Variants in KDM2B observed in about 807,000 individuals in gnomAD.
The protein encoded by KDM2B is lysine demethylase 2B.
In KDM2B, 26 loss-of-function variants were observed where a neutral mutation model predicts 150.0. The observed-to-expected ratio is 0.17, with a 90% CI of 0.13 to 0.24. KDM2B has a LOEUF of 0.24. Ranked by LOEUF, KDM2B falls within the 10% of genes least tolerant of loss-of-function variation. KDM2B has a pLI of 1.00. For missense variants in KDM2B, 1,265 were observed against 1,816.9 expected, an observed-to-expected ratio of 0.70 and a Z score of 5.52; for synonymous variants, 734 against 729.5, an observed-to-expected ratio of 1.01 and a Z score of -0.10.
At chr12:121,573,838 C>T (rs1230040171) in intron 4 of KDM2B, among the ~76,000 whole-genome samples, 2 of 152,084 alleles carry the variant, frequency 1.3e-5, no homozygotes, top group African/African-American at 4.8e-5. Context: ...CCACCCGCCT[C>T]GGCCTCCCAA....
At chr12:121,578,475 G>C (rs1594171005) in intron 2 of KDM2B, among the ~76,000 whole-genome samples, 2 of 151,884 alleles carry the variant, frequency 1.3e-5, no homozygotes, top group South Asian at 4.1e-4. Context: ...CGACCGGCTC[G>C]GGGAGGGGGA....
In KDM2B at chr12:121,467,294, T is replaced by C. The variant is rs1272661747; in HGVS notation, c.1735-13950A>G. 1.2e-5 allele frequency: 12 copies of C among 983,382 alleles called. No individual in the cohort carries two copies. The African/African-American group carries it at 1.2e-4, about 10-fold the overall frequency. 60.9% of individuals were successfully genotyped at this position (983,382 alleles called of 1,614,324 possible). On this transcript the variant is annotated intron_variant, in intron 12 of 22. Coordinates refer to ENST00000377071, the MANE Select transcript of KDM2B (RefSeq NM_032590.5). The surrounding 1 kb of genome is among the most constrained non-coding windows in gnomAD (Gnocchi z 5.1). ...GCCGCCCGCCCGGAGCAGGCTCGGC[T>C]CGCCCTGGCTCGGGCTCGGGCTCGG... is the stretch of plus-strand genomic sequence containing the variant.
Position 121,533,246 on chromosome 12 carries a change from C to A in KDM2B, c.778-287G>T, listed in dbSNP as rs1212870832. Among the ~76,000 whole-genome samples, 1 of 152,098 alleles carries A rather than the reference C, an allele frequency of 6.6e-6. No individual in the cohort carries two copies. The highest frequency in any genetic ancestry group is 1.9e-4 in the East Asian group (1 of 5,186). Reference sequence around the variant, plus strand: ...TGGGTGGGACATGCTTTCTCCCGAACCACAGGCTTGTCTAGGAGGTGGGGG... The same window carrying A: ...TGGGTGGGACATGCTTTCTCCCGAAACACAGGCTTGTCTAGGAGGTGGGGG... On this transcript the variant is annotated intron_variant, in intron 7 of 22. Transcript: ENST00000377071. The surrounding 1 kb of genome is among the most constrained non-coding windows in gnomAD (Gnocchi z 4.1).
At chr12:121,444,639 C>A in intron 14 of KDM2B, 103 bp from the exon 15 acceptor site, 2 of 906,728 alleles carry the variant, frequency 2.2e-6, no homozygotes, top group Non-Finnish European at 3.6e-6. Context: ...AGCACCCCCT[C>A]CCCAACGTCA....
chr12:121,493,833 G>A (rs943947949), intron 12 of KDM2B: 4 of 152,068 alleles, frequency 2.6e-5, no homozygotes, highest in African/African-American at 9.6e-5. Context: ...GTCCTTTCCC[G>A]TTTGATTAGA....
chr12:121,549,207 C>CT lies in KDM2B; in HGVS notation c.577-225dup, dbSNP rs1482761269. Among the ~76,000 whole-genome samples the CT allele has an allele frequency of 1.3e-5, 2 of 152,120 alleles. No individual in the cohort carries two copies. The highest frequency in any genetic ancestry group is 2.4e-5 in the African/African-American group (1 of 41,410). ...GGGTCGGGCACGGTAGCTTATACCT[C>CT]TAATCTAAGTGCTTTGGGAGGCTAA... On this transcript the variant is annotated intron_variant, in intron 5 of 22. Coordinates refer to ENST00000377071, the MANE Select transcript of KDM2B (RefSeq NM_032590.5). The surrounding 1 kb of genome is among the most constrained non-coding windows in gnomAD (Gnocchi z 4.4).
At chr12:121,505,581 T>C (rs1884993849) in intron 11 of KDM2B, among the ~76,000 whole-genome samples, 1 of 152,036 alleles carries the variant, frequency 6.6e-6, no homozygotes, top group African/African-American at 2.4e-5. Context: ...AAAGAACAAA[T>C]GGGTTTTTAG....
At chr12:121,437,055 T>C (rs1052561535) in intron 22 of KDM2B, among the ~76,000 whole-genome samples, 3 of 151,658 alleles carry the variant, frequency 2.0e-5, no homozygotes, top group South Asian at 2.1e-4. Flanking sequence ...AAAGAAGATA[T>C]GAGATCAAGG....
At chr12:121,448,679 G>A (rs532883521) in intron 13 of KDM2B, among the ~76,000 whole-genome samples, 16 of 152,230 alleles carry the variant, frequency 1.1e-4, no homozygotes, top group African/African-American at 3.9e-4. Context: ...AAAAAGACTT[G>A]ATTAAATGGC....
chr12:121,420,077 A>G, the KDM2B span: 4 of 559,612 alleles, frequency 7.1e-6, no homozygotes, highest in Admixed American at 6.0e-5. Flanking sequence ...TCTTCATGCA[A>G]TTTTGTAGGG....
At chr12:121,530,038 C>T (rs1368919588) in intron 8 of KDM2B, among the ~76,000 whole-genome samples, 1 of 150,846 alleles carries the variant, frequency 6.6e-6, no homozygotes, top group Non-Finnish European at 1.5e-5. Flanking sequence ...ACCATCCTGG[C>T]TAACACAGTG....
chr12:121,579,535 G>A, intron 1 of KDM2B: 5 of 1,242,412 alleles, frequency 4.0e-6, no homozygotes, highest in Non-Finnish European at 5.3e-6. Context: ...GGAGGTGGGG[G>A]GAGGAGAATC....
At chr12:121,522,614 G>A (rs959268907) in intron 8 of KDM2B, among the ~76,000 whole-genome samples, 3 of 152,084 alleles carry the variant, frequency 2.0e-5, no homozygotes, top group Non-Finnish European at 4.4e-5. Context: ...TTGGAAGACC[G>A]AGGCGGGAGG....
rs1658281054 is a variant in KDM2B, at chr12:121,533,277, G to A, written c.778-318C>T. Reference sequence around the variant, plus strand: ...GCTTGTCTAGGAGGTGGGGGAAGGAGAGGAAGGGAATTTCCTAAGTTGTAA... The same window carrying A: ...GCTTGTCTAGGAGGTGGGGGAAGGAAAGGAAGGGAATTTCCTAAGTTGTAA... On this transcript the variant is annotated intron_variant, in intron 7 of 22. Coordinates refer to ENST00000377071, the MANE Select transcript of KDM2B (RefSeq NM_032590.5). The surrounding 1 kb of genome is among the most constrained non-coding windows in gnomAD (Gnocchi z 4.1). Among the ~76,000 whole-genome samples the A allele has an allele frequency of 1.3e-5, 2 of 152,202 alleles. No individual in the cohort carries two copies. Among genetic ancestry groups the A allele is most frequent in the Non-Finnish European group, 2.9e-5 (2 of 68,032 alleles).
In KDM2B at chr12:121,521,187, G is replaced by C; in HGVS notation, c.932-87C>G. 2.4e-6 allele frequency: 2 copies of C among 836,946 alleles called. No homozygotes were observed. The highest frequency in any genetic ancestry group is 4.0e-6 in the Non-Finnish European group (2 of 504,100). 51.8% of individuals were successfully genotyped at this position (836,946 alleles called of 1,614,324 possible). A position where few individuals can be genotyped will look rare whatever the true frequency, so the allele number is the denominator to read the frequency against. ...AAGGCTGCAGGGAGGGAGAGCGAGC[G>C]TGCAGGAGGGTGCAGGGAGTGGAGA... On this transcript the variant is annotated intron_variant, in intron 8 of 22. Transcript: ENST00000377071. The surrounding 1 kb of genome is among the most constrained non-coding windows in gnomAD (Gnocchi z 4.9).
intron 2 of KDM2B, 108 bp downstream of exon 2, chr12:121,578,694 T>A: frequency 9.0e-6 from 3 of 333,518 alleles, no homozygotes; most frequent in Non-Finnish European, 7.5e-6. Flanking sequence ...CCGGATCCCC[T>A]GGAATGGGGG....
At chr12:121,544,612 C>T (rs550102950) in intron 6 of KDM2B, among the ~76,000 whole-genome samples, 17 of 144,146 alleles carry the variant, frequency 1.2e-4, no homozygotes, top group African/African-American at 3.6e-4. Context: ...TCCGTCCCCC[C>T]CCAAAAAAAG....
At chr12:121,417,685 C>T in the KDM2B span, 1 of 1,614,174 alleles carries the variant, frequency 6.2e-7, no homozygotes, top group Non-Finnish European at 8.5e-7. This position sits in a 1 kb window ranked among gnomAD's most constrained non-coding sequence, Gnocchi z 5.0. Context: ...CCCATAGATA[C>T]TTGTCGTGAG....
chr12:121,520,991 C>T lies in KDM2B; in HGVS notation c.1041G>A (p.Arg347=), dbSNP rs782306538. 1 of 1,613,632 alleles carries T rather than the reference C, an allele frequency of 6.2e-7. No individual in the cohort carries two copies. Among genetic ancestry groups the T allele is most frequent in the Non-Finnish European group, 8.5e-7 (1 of 1,179,628 alleles). Residue 347 remains arginine (R), a synonymous_variant, in exon 9 of 23, where the codon AGG becomes AGA. Transcript: ENST00000377071. This position sits in a 1 kb window ranked among gnomAD's most constrained non-coding sequence, Gnocchi z 4.5. The part of the protein sequence containing the change: ...MQLRIYEIED[R]TRVQPKFRYP... ...CAGAAGGGAACCTCCTTACCCGCGT[C>T]CTGTCCTCGATCTCGTAGATCCGCA...
Sources: allele counts gnomAD v4.1 joint callset (sites outside exome capture counted in the v4.1 genomes callset), GRCh38; gene constraint gnomAD v4.1.1; non-coding constraint Gnocchi (gnomAD v3.1); transcripts MANE v1.5; gene names NCBI Gene and HGNC (gene_info 2026-07-23, HGNC 2026-07-21).